The following SYT1 variants were observed in gnomAD, a reference collection of about 807,000 sequenced individuals.
SYT1 encodes synaptotagmin-1.
Under a neutral mutation model 44.8 loss-of-function variants are expected in SYT1, and 8 were observed. The observed-to-expected ratio is 0.18, with a 90% CI of 0.10 to 0.32. The LOEUF is 0.32. Among genes scored for constraint, SYT1 ranks in the 10% least tolerant of loss-of-function variants. The pLI, the probability that SYT1 is intolerant of heterozygous loss-of-function variation, is 1.00. For missense variants in SYT1, 286 were observed against 509.3 expected (o/e 0.56, Z 4.22); for synonymous variants, 154 against 188.8 (o/e 0.82, Z 1.51).
chr12:79,322,703 T>A (rs930536343), intron 8 of SYT1, among the ~76,000 whole-genome samples: 1 of 152,168 alleles, frequency 6.6e-6, no homozygotes, highest in Non-Finnish European at 1.5e-5. Context: ...TTGGGGCTCT[T>A]AAAATAGAAC....
intron 8 of SYT1, among the ~76,000 whole-genome samples, chr12:79,310,786 G>A (rs1880740743): frequency 6.6e-6 from 1 of 152,200 alleles, no homozygotes; most frequent in South Asian, 2.1e-4. Flanking sequence ...AATTGTGAAT[G>A]GGAGTTCACT....
At chr12:78,865,985 G>A (rs2137026439) in intron 1 of SYT1, among the ~76,000 whole-genome samples, 1 of 152,050 alleles carries the variant, frequency 6.6e-6, no homozygotes, top group African/African-American at 2.4e-5. Flanking sequence ...CCTGTTGTTG[G>A]GGGATCAAAA....
At chr12:79,224,588 A>G (rs976611710) in intron 4 of SYT1, among the ~76,000 whole-genome samples, 8 of 152,060 alleles carry the variant, frequency 5.3e-5, no homozygotes, top group Non-Finnish European at 1.0e-4. Flanking sequence ...CTGGCAGAAG[A>G]TAAATTTGAA....
At chr12:79,441,830 G>C (rs1309376135) in intron 9 of SYT1, among the ~76,000 whole-genome samples, 1 of 152,144 alleles carries the variant, frequency 6.6e-6, no homozygotes, top group African/African-American at 2.4e-5. Flanking sequence ...GCTCCTTCTG[G>C]CTGGTACAAG....
At chr12:79,205,477 G>T (rs1874067677) in intron 3 of SYT1, among the ~76,000 whole-genome samples, 2 of 152,112 alleles carry the variant, frequency 1.3e-5, no homozygotes, top group South Asian at 2.1e-4. Flanking sequence ...ATAGAGAAAT[G>T]AATGCGTAAT....
chr12:79,355,308 A>T (rs1267888225), intron 9 of SYT1, among the ~76,000 whole-genome samples: 1 of 152,178 alleles, frequency 6.6e-6, no homozygotes, highest in African/African-American at 2.4e-5. Context: ...CCTGCAATGC[A>T]CTAACTAACT....
At chr12:78,962,911 A>T (rs1263740436) in intron 1 of SYT1, among the ~76,000 whole-genome samples, 7 of 152,164 alleles carry the variant, frequency 4.6e-5, no homozygotes, top group Non-Finnish European at 4.4e-5. Flanking sequence ...TATCTCTAGA[A>T]TTAATTCATC....
chr12:79,308,458 C>G (rs1880530250), intron 8 of SYT1, among the ~76,000 whole-genome samples: 1 of 149,958 alleles, frequency 6.7e-6, no homozygotes, highest in Non-Finnish European at 1.5e-5. Context: ...TGCGGTGAGC[C>G]GAGATCATGC....
chr12:79,265,371 CTGT>C (rs1878068312), intron 4 of SYT1, among the ~76,000 whole-genome samples: 1 of 152,032 alleles, frequency 6.6e-6, no homozygotes, highest in South Asian at 2.1e-4. Context: ...TGATACTGCC[CTGT>C]TGTTGTTATG....
chr12:79,367,034 C>T (rs1883578342), intron 9 of SYT1, among the ~76,000 whole-genome samples: 1 of 151,772 alleles, frequency 6.6e-6, no homozygotes, highest in African/African-American at 2.4e-5. Context: ...GCAAATCCTC[C>T]TCCCATCTCC....
chr12:79,449,365 A>G lies in SYT1; in HGVS notation c.*241A>G, dbSNP rs1024322914. On this transcript the variant is annotated 3_prime_UTR_variant, in exon 11 of 11. Coordinates refer to ENST00000261205, the MANE Select transcript of SYT1 (RefSeq NM_005639.3). ...AAGCAATATGATGTGTAGATAGAGC[A>G]TGAATGAAATTATTTATTGTATCAC... The G allele has an allele frequency of 3.8e-5, 19 of 501,216 alleles. No individual in the cohort carries two copies. The highest frequency in any genetic ancestry group is 5.4e-5 in the Non-Finnish European group (15 of 279,566). The allele number at this position is 501,216 out of a possible 1,614,324, so 31.0% of individuals were successfully genotyped here.
chr12:79,376,433 G>A (rs1883998298), intron 9 of SYT1, among the ~76,000 whole-genome samples: 1 of 152,170 alleles, frequency 6.6e-6, no homozygotes, highest in Non-Finnish European at 1.5e-5. Context: ...TCATGGTACT[G>A]GTGGGAGTGT....
At chr12:79,443,989 G>A (rs916053890) in intron 9 of SYT1, 84 bp from the exon 10 acceptor site, 5 of 1,440,226 alleles carry the variant, frequency 3.5e-6, no homozygotes, top group Non-Finnish European at 3.8e-6. Context: ...TTTACCTGTG[G>A]GAAATAGTTC....
chr12:79,197,176 T>C (rs1873511906), intron 3 of SYT1, among the ~76,000 whole-genome samples: 1 of 152,252 alleles, frequency 6.6e-6, no homozygotes, highest in African/African-American at 2.4e-5. Context: ...TGCAACCTGA[T>C]GCCTTCTTTG....
chr12:79,174,953 A>G (rs1189491462), intron 3 of SYT1, among the ~76,000 whole-genome samples: 1 of 152,032 alleles, frequency 6.6e-6, no homozygotes, highest in African/African-American at 2.4e-5. Flanking sequence ...CTTTAAGAAT[A>G]TATTTTATTT....
intron 9 of SYT1, among the ~76,000 whole-genome samples, chr12:79,370,619 C>T (rs1478973296): frequency 6.6e-6 from 1 of 151,882 alleles, no homozygotes; most frequent in East Asian, 1.9e-4. Flanking sequence ...AAAATTTAGC[C>T]GGGCATGGTG....
At chr12:78,868,429 T>C (rs1487975737) in intron 1 of SYT1, among the ~76,000 whole-genome samples, 1 of 151,872 alleles carries the variant, frequency 6.6e-6, no homozygotes, top group Non-Finnish European at 1.5e-5. Flanking sequence ...TTATTTATCA[T>C]AAATATATCT....
In SYT1 at chr12:79,212,979, A is replaced by T. The variant is rs1874551708; in HGVS notation, c.-17-4524A>T. Among the ~76,000 whole-genome samples, 3 of 152,220 alleles carry T rather than the reference A, an allele frequency of 2.0e-5. No homozygotes were observed. In the South Asian group the frequency reaches 6.2e-4, roughly 32 times the overall value. On this transcript the variant is annotated intron_variant, in intron 3 of 10. Coordinates refer to ENST00000261205, the MANE Select transcript of SYT1 (RefSeq NM_005639.3). ...TATCAACAACAGTATTTTGGCACAAAGTAGGTGCCTAATAAATGGAATCAT... is the reference window on the plus strand; with the variant it reads ...TATCAACAACAGTATTTTGGCACAATGTAGGTGCCTAATAAATGGAATCAT...
At chr12:79,326,506 G>C (rs1003985586) in intron 8 of SYT1, among the ~76,000 whole-genome samples, 7 of 152,086 alleles carry the variant, frequency 4.6e-5, no homozygotes, top group African/African-American at 1.7e-4. Flanking sequence ...GCAAACTTAG[G>C]GGGTTGTTCT....
Sources: gnomAD v4.1 joint callset for allele counts (sites outside exome capture counted in the v4.1 genomes callset) on GRCh38, gnomAD v4.1.1 for gene constraint, MANE v1.5 for transcripts, NCBI Gene and HGNC (gene_info 2026-07-23, HGNC 2026-07-21) for gene names.